Variants in FUBP3 observed in about 807,000 individuals in gnomAD.
FUBP3 encodes far upstream element binding protein 3, also known as far upstream element-binding protein 3.
In FUBP3, 28 loss-of-function variants were observed where a neutral mutation model predicts 85.6. The ratio of observed to expected loss-of-function variants is 0.33; its 90% CI spans 0.24 to 0.45. The LOEUF is 0.45. Ranked by LOEUF, FUBP3 falls within the 20% of genes least tolerant of loss-of-function variation. FUBP3 has a pLI of 1.00. For synonymous variants in FUBP3, 271 were observed against 271.4 expected (o/e 1.00, Z 0.01); for missense variants, 583 against 755.1 (o/e 0.77, Z 2.67).
intron 2 of FUBP3, 69 bp downstream of exon 2, chr9:130,595,657 GCC>G: frequency 2.5e-6 from 2 of 790,700 alleles, no homozygotes; most frequent in South Asian, 2.7e-5. Context: ...GAATTTGTCA[GCC>G]ATTACCTTAA....
intron 2 of FUBP3, among the ~76,000 whole-genome samples, chr9:130,608,682 T>A (rs1831583834): frequency 6.6e-6 from 1 of 152,266 alleles, no homozygotes; most frequent in African/African-American, 2.4e-5. Flanking sequence ...ATAAGCAGAT[T>A]AATAGTGTCT....
At chr9:130,593,460 G>A (rs889660663) in intron 1 of FUBP3, among the ~76,000 whole-genome samples, 6 of 152,174 alleles carry the variant, frequency 3.9e-5, no homozygotes, top group African/African-American at 1.4e-4. Flanking sequence ...TCCGCCTTCA[G>A]GAATCTTATT....
chr9:130,595,194 C>G lies in FUBP3; in HGVS notation c.85-289C>G, dbSNP rs7042472. On this transcript the variant is annotated intron_variant, in intron 1 of 18. Transcript: ENST00000319725. The stretch of plus-strand genomic sequence containing the variant: ...TGAGCCAAGATCATGCCATTGCACT[C>G]CAGCCTGGGCAACAAGAGCGAAACT... 4.1e-3 allele frequency among the ~76,000 whole-genome samples: 596 copies of G among 147,040 alleles called. 14 individuals are homozygous for G. The highest frequency in any genetic ancestry group is 0.036 in the Admixed American group (521 of 14,538).
intron 12 of FUBP3, 114 bp from the exon 13 acceptor site, chr9:130,630,514 A>G (rs1830167858): frequency 1.4e-6 from 1 of 736,350 alleles, no homozygotes; most frequent in Non-Finnish European, 2.1e-6. Flanking sequence ...TGTCAGGGCA[A>G]GTGCCGACGT....
At chr9:130,597,312 T>G (rs997476437) in intron 2 of FUBP3, among the ~76,000 whole-genome samples, 1 of 152,162 alleles carries the variant, frequency 6.6e-6, no homozygotes, top group Non-Finnish European at 1.5e-5. Flanking sequence ...GGACTGAACT[T>G]TAACCTCGTA....
intron 13 of FUBP3, 98 bp from the exon 14 acceptor site, chr9:130,631,458 CA>C: frequency 7.6e-7 from 1 of 1,316,244 alleles, no homozygotes; most frequent in African/African-American, 1.5e-5. Flanking sequence ...CACTCGACTC[CA>C]TCTCCCCAAA....
chr9:130,636,628 CG>C (rs1564233020), intron 18 of FUBP3, among the ~76,000 whole-genome samples: 1 of 152,228 alleles, frequency 6.6e-6, no homozygotes, highest in Non-Finnish European at 1.5e-5. Context: ...AGGCCAAAAA[CG>C]GATTTCTTAT....
chr9:130,604,654 T>G (rs1831327800), intron 2 of FUBP3, among the ~76,000 whole-genome samples: 2 of 152,184 alleles, frequency 1.3e-5, no homozygotes, highest in Admixed American at 6.5e-5. Flanking sequence ...GTAATCCCCT[T>G]TGGGAGGCCA....
intron 11 of FUBP3, among the ~76,000 whole-genome samples, chr9:130,624,103 A>G (rs1014408005): frequency 2.6e-5 from 4 of 152,352 alleles, no homozygotes; most frequent in South Asian, 2.1e-4. Context: ...GCCTTCATGC[A>G]CTTGATTTCA....
rs545528207 is a variant in FUBP3, at chr9:130,592,437, C to G, written c.85-3046C>G. The stretch of plus-strand genomic sequence containing the variant: ...CCAGTGGTAGATTGCCAAGCCCTGG[C>G]CTAGGCTACAGTAATATCTCCTAAG... On this transcript the variant is annotated intron_variant, in intron 1 of 18. Coordinates refer to ENST00000319725, the MANE Select transcript of FUBP3 (RefSeq NM_003934.2). Among the ~76,000 whole-genome samples, 252 of 152,324 alleles carry G rather than the reference C, an allele frequency of 1.7e-3. 1 individual carries two copies. Among genetic ancestry groups the G allele is most frequent in the Non-Finnish European group, 2.1e-3 (145 of 68,030 alleles).
At chr9:130,633,591 T>C (rs1213631874) in intron 16 of FUBP3, among the ~76,000 whole-genome samples, 1 of 152,238 alleles carries the variant, frequency 6.6e-6, no homozygotes, top group Non-Finnish European at 1.5e-5. Context: ...TCTCATGTTG[T>C]GGAGCTTGGC....
At chr9:130,619,089 GTGTT>G (rs1832164350) in intron 8 of FUBP3, among the ~76,000 whole-genome samples, 1 of 152,166 alleles carries the variant, frequency 6.6e-6, no homozygotes, top group Non-Finnish European at 1.5e-5. Flanking sequence ...TACTGTGATG[GTGTT>G]GGATCCAGGC....
At chr9:130,587,189 C>G (rs1830389759) in intron 1 of FUBP3, among the ~76,000 whole-genome samples, 1 of 151,910 alleles carries the variant, frequency 6.6e-6, no homozygotes, top group African/African-American at 2.4e-5. Context: ...CTCAGCCTCC[C>G]AAGTAGCTGG....
intron 2 of FUBP3, among the ~76,000 whole-genome samples, chr9:130,601,586 G>A (rs970137852): frequency 1.3e-5 from 2 of 151,996 alleles, no homozygotes; most frequent in South Asian, 2.1e-4. Context: ...TCAAAGACTC[G>A]TCTTTGCTAT....
At chr9:130,607,027 A>G (rs1054027039) in intron 2 of FUBP3, among the ~76,000 whole-genome samples, 2 of 152,192 alleles carry the variant, frequency 1.3e-5, no homozygotes, top group Non-Finnish European at 2.9e-5. Context: ...CTGGAGTGCA[A>G]TGACACGATC....
rs771009295 is a variant in FUBP3, at chr9:130,634,681, C to T, written c.1525C>T (p.Pro509Ser). Reference protein sequence around the residue: ...TQQVPSQQSQPQSSQPNYSKA... With the variant: ...TQQVPSQQSQSQSSQPNYSKA... Reference sequence around the variant, plus strand: ...TCTTCGCACAGGCCAGCAGAGCCAGCCGCAGAGCAGCCAGCCCAACTACAG... The same window carrying T: ...TCTTCGCACAGGCCAGCAGAGCCAGTCGCAGAGCAGCCAGCCCAACTACAG... The change falls in exon 17 of 19, where the codon CCG (proline) becomes TCG (serine). Residue 509 changes from proline (P) to serine (S), a missense_variant. Around this residue, in one of 3 missense-constraint regions of FUBP3, gnomAD observed 404 missense variants for 516.8 expected, o/e 0.78. Coordinates refer to ENST00000319725, the MANE Select transcript of FUBP3 (RefSeq NM_003934.2). The T allele has an allele frequency of 2.5e-6, 4 of 1,613,642 alleles. No homozygotes were observed. The highest frequency in any genetic ancestry group is 2.2e-5 in the East Asian group (1 of 44,858).
At chr9:130,602,951 G>T (rs1831228860) in intron 2 of FUBP3, among the ~76,000 whole-genome samples, 1 of 152,136 alleles carries the variant, frequency 6.6e-6, no homozygotes, top group African/African-American at 2.4e-5. Flanking sequence ...TTGGTGTACA[G>T]TGGGCGGTCA....
intron 13 of FUBP3, 179 bp from the exon 14 acceptor site, chr9:130,631,378 A>G: frequency 7.2e-7 from 1 of 1,386,038 alleles, no homozygotes; most frequent in Non-Finnish European, 9.5e-7. Flanking sequence ...GCTGGAGGGC[A>G]GAAGCCATTT....
At chr9:130,634,085 G>A (rs536397182) in intron 16 of FUBP3, among the ~76,000 whole-genome samples, 20 of 152,258 alleles carry the variant, frequency 1.3e-4, no homozygotes, top group Middle Eastern at 6.8e-3. Flanking sequence ...CTGTTTCTCC[G>A]CGTCCCCCAG....
Sources: gnomAD v4.1 joint callset for allele counts (sites outside exome capture counted in the v4.1 genomes callset) on GRCh38, gnomAD v4.1.1 for gene constraint, gnomAD v4.1.1 regional missense constraint, MANE v1.5 for transcripts, NCBI Gene and HGNC (gene_info 2026-07-23, HGNC 2026-07-21) for gene names.